PLGRKT: variants seen among roughly 807,000 people sequenced by gnomAD.
The protein encoded by PLGRKT is plasminogen receptor with a C-terminal lysine, also known as plasminogen receptor (KT).
Under a neutral mutation model 18.5 loss-of-function variants are expected in PLGRKT, and 22 were observed. The ratio of observed to expected loss-of-function variants is 1.19; its 90% confidence interval spans 0.85 to 1.70. The LOEUF (loss-of-function observed/expected upper bound fraction) is 1.70, where lower values mean the gene tolerates loss of function less well. PLGRKT is among the 40% of genes most tolerant of loss of function. The pLI is 0.00. For synonymous variants in PLGRKT, 72 were observed against 52.8 expected, an observed-to-expected ratio of 1.36 and a Z score of -1.58; for missense variants, 235 against 174.4, an observed-to-expected ratio of 1.35 and a Z score of -1.96.
intron 3 of PLGRKT, among the ~76,000 whole-genome samples, chr9:5,413,330 G>A (rs992575313): frequency 2.6e-5 from 4 of 152,136 alleles, no homozygotes; most frequent in African/African-American, 9.7e-5. Flanking sequence ...CAGAATAATG[G>A]GACCTCAGAG....
At position 5,374,662 on chromosome 9, in the gene PLGRKT, G is replaced by C. The variant is rs1465789617; in HGVS notation, c.82-12774C>G. Among the ~76,000 whole-genome samples the C allele has an allele frequency of 3.9e-5, 6 of 152,136 alleles. No homozygotes were observed. In the East Asian group the frequency reaches 1.2e-3, roughly 29 times the overall value. On this transcript the variant is annotated intron_variant, in intron 3 of 5. Transcript: ENST00000223864. The stretch of plus-strand genomic sequence containing the variant: ...CTGAGCTTCAGGACTCATGGTGCAG[G>C]TTATTTCCAATGCTAAATAATTTTA...
At chr9:5,431,803 T>A (rs547679971) in intron 3 of PLGRKT, 94 bp downstream of exon 3, 1 of 657,628 alleles carries the variant, frequency 1.5e-6, no homozygotes, top group Non-Finnish European at 2.8e-6. Context: ...AACATTTTAT[T>A]GTTGGGAGTC....
chr9:5,436,948 A>C (rs1818972194), intron 1 of PLGRKT, among the ~76,000 whole-genome samples: 1 of 152,126 alleles, frequency 6.6e-6, no homozygotes, highest in Non-Finnish European at 1.5e-5. Context: ...AGTCTTTTAA[A>C]AATTCTAACA....
At chr9:5,416,834 T>C (rs1210988598) in intron 3 of PLGRKT, among the ~76,000 whole-genome samples, 2 of 152,236 alleles carry the variant, frequency 1.3e-5, no homozygotes, top group Admixed American at 6.5e-5. Context: ...TCTACCTTTG[T>C]AGAAAAGTGC....
chr9:5,401,773 T>C (rs1818158672), intron 3 of PLGRKT, among the ~76,000 whole-genome samples: 1 of 151,938 alleles, frequency 6.6e-6, no homozygotes, highest in Non-Finnish European at 1.5e-5. Flanking sequence ...TTCTTTAAGG[T>C]TGTAATATCT....
At chr9:5,374,641 G>C (rs1193851131) in intron 3 of PLGRKT, among the ~76,000 whole-genome samples, 4 of 152,156 alleles carry the variant, frequency 2.6e-5, no homozygotes. Context: ...AACTTCCTGA[G>C]CTTCAGGACT....
At chr9:5,370,030 G>C (rs1192494680) in intron 3 of PLGRKT, among the ~76,000 whole-genome samples, 1 of 151,914 alleles carries the variant, frequency 6.6e-6, no homozygotes, top group Non-Finnish European at 1.5e-5. Flanking sequence ...ATGGCACTAT[G>C]TAACAAACCT....
rs938276625 is a variant in PLGRKT, at chr9:5,418,821, C to A, written c.81+13076G>T. On this transcript the variant is annotated intron_variant, in intron 3 of 5. Transcript: ENST00000223864. The surrounding 1 kb of genome is among the most constrained non-coding windows in gnomAD (Gnocchi z 4.2). Reference sequence around the variant, plus strand: ...GGGGCAGCTTGGTGACACCGCTGCACCAGGGGCATCGCACATCCTTCTGGC... The same window carrying A: ...GGGGCAGCTTGGTGACACCGCTGCAACAGGGGCATCGCACATCCTTCTGGC... 3.5e-5 allele frequency: 35 copies of A among 990,926 alleles called. No individual in the cohort carries two copies. The East Asian group carries it at 8.3e-4, about 23-fold the overall frequency. The allele number at this position is 990,926 out of a possible 1,614,324, so 61.4% of individuals were successfully genotyped here.
intron 3 of PLGRKT, among the ~76,000 whole-genome samples, chr9:5,430,249 C>A (rs950968502): frequency 6.6e-6 from 1 of 152,162 alleles, no homozygotes; most frequent in African/African-American, 2.4e-5. Context: ...AATCCCAGAC[C>A]CTTCACAGAC....
intron 3 of PLGRKT, among the ~76,000 whole-genome samples, chr9:5,375,199 T>A (rs1261419202): frequency 6.6e-6 from 1 of 152,248 alleles, no homozygotes; most frequent in Admixed American, 6.5e-5. Flanking sequence ...CATTATGAGT[T>A]GTTTAGTCAC....
chr9:5,435,068 T>C (rs1246107210), intron 2 of PLGRKT, among the ~76,000 whole-genome samples: 8 of 151,882 alleles, frequency 5.3e-5, no homozygotes, highest in African/African-American at 1.9e-4. Flanking sequence ...CAGGGTTAAA[T>C]GGATTAAGGG....
At chr9:5,414,640 A>T (rs1037886538) in intron 3 of PLGRKT, among the ~76,000 whole-genome samples, 1 of 152,216 alleles carries the variant, frequency 6.6e-6, no homozygotes, top group Non-Finnish European at 1.5e-5. Flanking sequence ...AACTAACCTT[A>T]CTAACTTAGG....
chr9:5,380,115 C>A (rs7040311), intron 3 of PLGRKT, among the ~76,000 whole-genome samples: 110,773 of 152,064 alleles, frequency 0.73, 41,552 homozygotes, highest in African/African-American at 0.91. Flanking sequence ...CTGTAATCCC[C>A]GCACTTTGGG....
intron 3 of PLGRKT, among the ~76,000 whole-genome samples, chr9:5,396,914 C>G (rs1020851899): frequency 2.0e-5 from 3 of 151,902 alleles, no homozygotes; most frequent in Non-Finnish European, 4.4e-5. Context: ...TGAAGAATCA[C>G]AACATGATTC....
intron 3 of PLGRKT, among the ~76,000 whole-genome samples, chr9:5,403,597 G>A (rs1311516935): frequency 6.6e-6 from 1 of 152,220 alleles, no homozygotes; most frequent in African/African-American, 2.4e-5. Context: ...GCAACGATAA[G>A]ATTGTTCTAC....
intron 3 of PLGRKT, among the ~76,000 whole-genome samples, chr9:5,401,114 G>A (rs1047479875): frequency 5.3e-5 from 8 of 151,674 alleles, no homozygotes; most frequent in East Asian, 1.9e-4. Flanking sequence ...TTATTTTGCC[G>A]GGACAGGTGG....
chr9:5,411,661 A>G (rs944071407), intron 3 of PLGRKT, among the ~76,000 whole-genome samples: 48 of 152,358 alleles, frequency 3.2e-4, no homozygotes, highest in Non-Finnish European at 4.9e-4. Flanking sequence ...ACGTTAAGCC[A>G]CTGCTAACAC....
intron 3 of PLGRKT, among the ~76,000 whole-genome samples, chr9:5,389,514 T>C (rs1055320477): frequency 6.6e-6 from 1 of 151,858 alleles, no homozygotes; most frequent in Admixed American, 6.5e-5. Context: ...TAAAATACTT[T>C]GGAAAGACTT....
intron 3 of PLGRKT, chr9:5,392,746 G>C (rs935839849): frequency 1.3e-5 from 2 of 151,878 alleles, no homozygotes; most frequent in African/African-American, 4.9e-5. Context: ...CATTTAATAA[G>C]CATTCAGTAA....
Sources: allele counts gnomAD v4.1 joint callset (sites outside exome capture counted in the v4.1 genomes callset), GRCh38; gene constraint gnomAD v4.1.1; non-coding constraint Gnocchi (gnomAD v3.1); transcripts MANE v1.5; gene names NCBI Gene and HGNC (gene_info 2026-07-23, HGNC 2026-07-21).